Variants in GRID2 observed in about 807,000 individuals in gnomAD.
The protein encoded by GRID2 is glutamate receptor ionotropic, delta-2.
Under a neutral mutation model 114.8 loss-of-function variants are expected in GRID2, and 33 were observed. The ratio of observed to expected loss-of-function variants is 0.29; its 90% CI spans 0.22 to 0.38. The LOEUF (loss-of-function observed/expected upper bound fraction) is 0.38. Among genes scored for constraint, GRID2 ranks in the 10% least tolerant of loss-of-function variants. The pLI is 1.00. For missense variants in GRID2, 1,184 were observed against 1,257.7 expected (o/e 0.94, Z 0.89); for synonymous variants, 505 against 449.9 (o/e 1.12, Z -1.55).
chr4:93,573,765 G>T (rs1736149946), intron 13 of GRID2, among the ~76,000 whole-genome samples: 2 of 151,952 alleles, frequency 1.3e-5, no homozygotes, highest in Admixed American at 1.3e-4. Flanking sequence ...ATGTTCTTTT[G>T]GGAGCTTTGC....
At chr4:93,721,749 AATTT>A (rs1560942727) in intron 14 of GRID2, among the ~76,000 whole-genome samples, 1 of 152,206 alleles carries the variant, frequency 6.6e-6, no homozygotes, top group African/African-American at 2.4e-5. Flanking sequence ...AAAGACCTAT[AATTT>A]ATTTATTTAA....
intron 2 of GRID2, among the ~76,000 whole-genome samples, chr4:92,636,484 C>T (rs972078969): frequency 5.9e-5 from 9 of 151,986 alleles, no homozygotes; most frequent in African/African-American, 2.2e-4. Flanking sequence ...TATTTTTGCT[C>T]ACAATCCTTT....
intron 8 of GRID2, among the ~76,000 whole-genome samples, chr4:93,239,215 TAC>T (rs934650018): frequency 9.5e-5 from 14 of 147,634 alleles, no homozygotes; most frequent in African/African-American, 2.0e-4. Flanking sequence ...TATACACATA[TAC>T]ACACACACAC....
At chr4:92,514,765 T>C (rs1724423170) in intron 1 of GRID2, among the ~76,000 whole-genome samples, 1 of 151,880 alleles carries the variant, frequency 6.6e-6, no homozygotes, top group Non-Finnish European at 1.5e-5. Flanking sequence ...CTATGGCTGC[T>C]GCTGCTGCTA....
intron 2 of GRID2, among the ~76,000 whole-genome samples, chr4:92,650,312 T>C (rs1004955302): frequency 2.0e-5 from 3 of 151,996 alleles, no homozygotes; most frequent in Non-Finnish European, 4.4e-5. Context: ...CTTCCACTGG[T>C]CATGGTTCTT....
At chr4:93,312,014 G>T (rs1298570372) in intron 8 of GRID2, among the ~76,000 whole-genome samples, 1 of 152,064 alleles carries the variant, frequency 6.6e-6, no homozygotes, top group Non-Finnish European at 1.5e-5. Context: ...TTTTAGGCAG[G>T]AGAGATTTGA....
chr4:92,314,240 G>A (rs1002206255), intron 1 of GRID2, among the ~76,000 whole-genome samples: 1 of 151,880 alleles, frequency 6.6e-6, no homozygotes, highest in Non-Finnish European at 1.5e-5. Flanking sequence ...TTTTTTATCT[G>A]AACTTAAGAG....
intron 14 of GRID2, among the ~76,000 whole-genome samples, chr4:93,727,532 T>A (rs1730043813): frequency 6.6e-6 from 1 of 152,234 alleles, no homozygotes; most frequent in Admixed American, 6.5e-5. Context: ...CCTCTTTTTC[T>A]ATTGATTGGA....
At chr4:92,585,562 G>A (rs188778013) in intron 1 of GRID2, among the ~76,000 whole-genome samples, 1 of 152,018 alleles carries the variant, frequency 6.6e-6, no homozygotes, top group Non-Finnish European at 1.5e-5. Context: ...TCAATATTTA[G>A]AGTCTTTTAT....
At chr4:93,346,713 T>C (rs1451886629) in intron 8 of GRID2, among the ~76,000 whole-genome samples, 2 of 152,186 alleles carry the variant, frequency 1.3e-5, no homozygotes, top group African/African-American at 2.4e-5. Context: ...TGCATTTTTA[T>C]CTGAAATTCG....
intron 2 of GRID2, among the ~76,000 whole-genome samples, chr4:92,685,291 T>A (rs1733845822): frequency 6.6e-6 from 1 of 152,032 alleles, no homozygotes; most frequent in Non-Finnish European, 1.5e-5. Flanking sequence ...CATAAGATAG[T>A]CTTGATGCTC....
chr4:93,153,150 T>A (rs936457234), intron 4 of GRID2, among the ~76,000 whole-genome samples: 5 of 152,018 alleles, frequency 3.3e-5, no homozygotes, highest in Admixed American at 6.6e-5. Flanking sequence ...GGAGGTAAAA[T>A]TAACAAAATA....
intron 1 of GRID2, among the ~76,000 whole-genome samples, chr4:92,305,082 T>A (rs188853158): frequency 2.9e-4 from 44 of 152,124 alleles, no homozygotes; most frequent in Non-Finnish European, 5.3e-4. Context: ...TTATCTTCCA[T>A]ATTTTTTTTC....
intron 3 of GRID2, among the ~76,000 whole-genome samples, chr4:93,091,912 G>T (rs1324081512): frequency 6.6e-6 from 1 of 152,116 alleles, no homozygotes; most frequent in African/African-American, 2.4e-5. Context: ...GAAGTGTTTT[G>T]CCCAGAAAAG....
chr4:93,057,162 CTGTGTGTG>C (rs139689521), intron 2 of GRID2, among the ~76,000 whole-genome samples: 3 of 147,926 alleles, frequency 2.0e-5, no homozygotes, highest in Admixed American at 1.4e-4. Context: ...GTATGTGTGT[CTGTGTGTG>C]TGTGTGTGTG....
At chr4:92,468,595 A>G (rs1190562961) in intron 1 of GRID2, among the ~76,000 whole-genome samples, 1 of 152,126 alleles carries the variant, frequency 6.6e-6, no homozygotes, top group Admixed American at 6.6e-5. Flanking sequence ...AACTTACAGT[A>G]TAACAGAGGG....
chr4:92,779,959 C>T (rs1738990539), intron 2 of GRID2, among the ~76,000 whole-genome samples: 1 of 151,806 alleles, frequency 6.6e-6, no homozygotes, highest in African/African-American at 2.4e-5. Flanking sequence ...TTGGTAACTA[C>T]AGCATGTGAT....
chr4:93,802,985 T>G (rs1734960771), intron 1 of GRID2, among the ~76,000 whole-genome samples: 1 of 152,238 alleles, frequency 6.6e-6, no homozygotes, highest in African/African-American at 2.4e-5. Context: ...CTTAGCAGAC[T>G]AAGCCAAGCT....
intron 2 of GRID2, among the ~76,000 whole-genome samples, chr4:92,841,021 A>G (rs1373502197): frequency 6.6e-6 from 1 of 152,046 alleles, no homozygotes; most frequent in Non-Finnish European, 1.5e-5. Context: ...CTTGATTCCA[A>G]GATCTGCTCT....
Sources: gnomAD v4.1 joint callset for allele counts (sites outside exome capture counted in the v4.1 genomes callset) on GRCh38, gnomAD v4.1.1 for gene constraint, MANE v1.5 for transcripts, NCBI Gene and HGNC (gene_info 2026-07-23, HGNC 2026-07-21) for gene names.